Variants in ZNF385D observed in about 807,000 individuals in gnomAD.
ZNF385D encodes zinc finger protein 659.
ZNF385D carries 15 observed loss-of-function variants against 35.8 expected under a neutral mutation model. The ratio of observed to expected loss-of-function variants is 0.42; its 90% CI spans 0.28 to 0.64. The LOEUF is 0.64. ZNF385D is among the 30% of genes least tolerant of loss of function. ZNF385D has a pLI of 0.23. For synonymous variants in ZNF385D, 212 were observed against 186.8 expected, an observed-to-expected ratio of 1.13 and a Z score of -1.10; for missense variants, 474 against 494.6, an observed-to-expected ratio of 0.96 and a Z score of 0.39.
chr3:21,987,307 C>T (rs201095525), intron 3 of ZNF385D, among the ~76,000 whole-genome samples: 9,678 of 116,774 alleles, frequency 0.083, 340 homozygotes, highest in African/African-American at 0.13. Flanking sequence ...TGGCTGGTAC[C>T]GGTTGTTCCT....
intron 2 of ZNF385D, among the ~76,000 whole-genome samples, chr3:22,309,908 A>G (rs17011194): frequency 0.021 from 3,150 of 152,136 alleles, 99 homozygotes; most frequent in African/African-American, 0.071. Context: ...AAGAGACATT[A>G]TAAGAGCCAA....
chr3:21,934,799 C>G (rs1172730262), intron 3 of ZNF385D, among the ~76,000 whole-genome samples: 2 of 152,168 alleles, frequency 1.3e-5, no homozygotes, highest in Non-Finnish European at 2.9e-5. Context: ...AACAGATGAG[C>G]TTGTTTTGCC....
chr3:21,968,516 T>TGAGGAGA (rs1553709022), intron 3 of ZNF385D, among the ~76,000 whole-genome samples: 2 of 151,096 alleles, frequency 1.3e-5, no homozygotes, highest in African/African-American at 4.9e-5. Flanking sequence ...TCCTTCTGTC[T>TGAGGAGA]GAGGAGAGGA....
intron 3 of ZNF385D, among the ~76,000 whole-genome samples, chr3:21,922,799 A>C: frequency 6.6e-6 from 1 of 152,226 alleles, no homozygotes; most frequent in East Asian, 1.9e-4. Context: ...AGACCCAATT[A>C]AACAAAAGGG....
At chr3:22,322,073 G>C (rs957885933) in intron 2 of ZNF385D, among the ~76,000 whole-genome samples, 1 of 151,986 alleles carries the variant, frequency 6.6e-6, no homozygotes, top group African/African-American at 2.4e-5. Context: ...TTAGGTCTCA[G>C]CTGTCACCAA....
intron 3 of ZNF385D, among the ~76,000 whole-genome samples, chr3:21,821,193 T>C (rs984560689): frequency 6.6e-6 from 1 of 151,830 alleles, no homozygotes; most frequent in African/African-American, 2.4e-5. Context: ...TAGAAGGTGG[T>C]AAAATTACAG....
intron 4 of ZNF385D, chr3:21,459,528 A>G (rs952467161): frequency 1.3e-5 from 2 of 152,172 alleles, no homozygotes; most frequent in African/African-American, 2.4e-5. Flanking sequence ...TAAATAATAT[A>G]AATGGTATAG....
intron 3 of ZNF385D, among the ~76,000 whole-genome samples, chr3:22,163,951 T>C (rs1254653982): frequency 6.6e-6 from 1 of 152,202 alleles, no homozygotes; most frequent in Non-Finnish European, 1.5e-5. Context: ...CAAATCAACA[T>C]TTTTAGCTAG....
chr3:21,547,291 A>C (rs2125584783), intron 3 of ZNF385D, among the ~76,000 whole-genome samples: 1 of 152,236 alleles, frequency 6.6e-6, no homozygotes, highest in Admixed American at 6.5e-5. Context: ...TAGTTTTTTA[A>C]CCAGTCGGGC....
At chr3:21,825,288 G>T (rs957098750) in intron 3 of ZNF385D, among the ~76,000 whole-genome samples, 9 of 152,142 alleles carry the variant, frequency 5.9e-5, no homozygotes, top group East Asian at 1.9e-4. Flanking sequence ...TCTAACTCAT[G>T]TATCACTTGT....
At chr3:21,591,121 G>A (rs1422080107) in intron 2 of ZNF385D, among the ~76,000 whole-genome samples, 2 of 151,982 alleles carry the variant, frequency 1.3e-5, no homozygotes, top group Admixed American at 6.6e-5. Flanking sequence ...TCACTTAGCT[G>A]GAGTGTTCAA....
intron 3 of ZNF385D, among the ~76,000 whole-genome samples, chr3:21,896,336 T>C (rs569613691): frequency 3.7e-4 from 56 of 152,286 alleles, no homozygotes; most frequent in African/African-American, 1.3e-3. Context: ...TATATTTTAA[T>C]AGATACTTAC....
intron 3 of ZNF385D, among the ~76,000 whole-genome samples, chr3:22,100,750 G>A (rs1288339980): frequency 1.3e-5 from 2 of 151,624 alleles, no homozygotes; most frequent in Non-Finnish European, 2.9e-5. Flanking sequence ...GAGTTAGTGG[G>A]TGTAGCGCAC....
At chr3:21,548,066 A>G (rs565921553) in intron 3 of ZNF385D, among the ~76,000 whole-genome samples, 1 of 152,100 alleles carries the variant, frequency 6.6e-6, no homozygotes, top group Non-Finnish European at 1.5e-5. Flanking sequence ...TGGGATTAGA[A>G]GGGTGGTGGG....
chr3:22,263,751 A>T (rs1700752801), intron 2 of ZNF385D, among the ~76,000 whole-genome samples: 1 of 152,016 alleles, frequency 6.6e-6, no homozygotes, highest in Non-Finnish European at 1.5e-5. Context: ...TTATGCCACA[A>T]GACATTTGGT....
chr3:21,920,308 T>G (rs1268721564), intron 3 of ZNF385D, among the ~76,000 whole-genome samples: 1 of 152,138 alleles, frequency 6.6e-6, no homozygotes, highest in Non-Finnish European at 1.5e-5. Context: ...CAAACACAGT[T>G]GTGTATGATA....
chr3:21,484,043 TG>T (rs1194165533), intron 4 of ZNF385D, among the ~76,000 whole-genome samples: 4 of 152,172 alleles, frequency 2.6e-5, no homozygotes, highest in Non-Finnish European at 4.4e-5. Context: ...AACAAGGGAT[TG>T]CTTAATGACG....
chr3:21,514,238 A>G (rs1233550267), intron 3 of ZNF385D, among the ~76,000 whole-genome samples: 3 of 152,128 alleles, frequency 2.0e-5, no homozygotes, highest in Non-Finnish European at 4.4e-5. Context: ...GGAATTCTCA[A>G]TACACATGCA....
At chr3:21,723,588 C>T (rs1014616546) in intron 1 of ZNF385D, among the ~76,000 whole-genome samples, 1 of 151,748 alleles carries the variant, frequency 6.6e-6, no homozygotes, top group Non-Finnish European at 1.5e-5. Context: ...ATAAAGAAGA[C>T]AAGATTAGAG....
Sources: allele counts gnomAD v4.1 joint callset (sites outside exome capture counted in the v4.1 genomes callset), GRCh38; gene constraint gnomAD v4.1.1; transcripts MANE v1.5; gene names NCBI Gene and HGNC (gene_info 2026-07-23, HGNC 2026-07-21).